IPO11: variants seen among roughly 807,000 people sequenced by gnomAD.
The protein encoded by IPO11 is importin 11.
IPO11 carries 66 observed loss-of-function variants against 143.2 expected under a neutral mutation model. The ratio of observed to expected loss-of-function variants is 0.46; its 90% CI spans 0.38 to 0.57. The LOEUF is 0.57. Ranked by LOEUF, IPO11 falls within the 20% of genes least tolerant of loss-of-function variation. The probability of loss-of-function intolerance (pLI) is 0.00; values close to 1 mark genes in which losing one functional copy is unlikely to be tolerated. For missense variants in IPO11, 1,026 were observed against 1,141.0 expected, an observed-to-expected ratio of 0.90 and a Z score of 1.45; for synonymous variants, 385 against 377.8, an observed-to-expected ratio of 1.02 and a Z score of -0.22.
At chr5:62,619,931 T>C (rs1746285324) in intron 29 of IPO11, among the ~76,000 whole-genome samples, 1 of 152,128 alleles carries the variant, frequency 6.6e-6, no homozygotes, top group Admixed American at 6.5e-5. Flanking sequence ...TTCTGTCTTC[T>C]GTAACAGACC....
intron 29 of IPO11, among the ~76,000 whole-genome samples, chr5:62,614,539 C>A (rs191310261): frequency 7.9e-4 from 120 of 152,310 alleles, no homozygotes; most frequent in Non-Finnish European, 1.1e-3. Flanking sequence ...CCCCCCCTCA[C>A]CCCGCAGGAT....
At chr5:62,572,345 A>C (rs1440449998) in intron 27 of IPO11, among the ~76,000 whole-genome samples, 1 of 152,188 alleles carries the variant, frequency 6.6e-6, no homozygotes, top group Non-Finnish European at 1.5e-5. Flanking sequence ...AATCAAGTGC[A>C]TTTATTAAGA....
At chr5:62,518,140 TAAAAAA>T (rs34629573) in intron 20 of IPO11, among the ~76,000 whole-genome samples, 1 of 120,292 alleles carries the variant, frequency 8.3e-6, no homozygotes, top group East Asian at 2.5e-4. Flanking sequence ...CCGTGCCTAC[TAAAAAA>T]AAAAAAAAAA....
At chr5:62,505,917 G>T (rs991827855) in intron 18 of IPO11, among the ~76,000 whole-genome samples, 8 of 152,028 alleles carry the variant, frequency 5.3e-5, no homozygotes, top group Non-Finnish European at 1.2e-4. Context: ...CAGTGACAAG[G>T]CACTGTTAAC....
intron 27 of IPO11, among the ~76,000 whole-genome samples, chr5:62,569,509 T>C (rs144223683): frequency 1.1e-3 from 167 of 152,324 alleles, no homozygotes; most frequent in African/African-American, 3.7e-3. Context: ...GTTGCTCTTA[T>C]TGTTGATGTT....
chr5:62,617,649 T>C (rs922813899), intron 29 of IPO11, among the ~76,000 whole-genome samples: 3 of 141,470 alleles, frequency 2.1e-5, no homozygotes, highest in African/African-American at 8.6e-5. Flanking sequence ...TTAAAGTTGA[T>C]TTTTTTTTTA....
intron 7 of IPO11, among the ~76,000 whole-genome samples, chr5:62,473,169 C>G (rs1001072183): frequency 2.6e-5 from 4 of 152,108 alleles, no homozygotes; most frequent in Non-Finnish European, 2.9e-5. Flanking sequence ...AGTTGTCATC[C>G]TGAAGTTTTC....
intron 29 of IPO11, among the ~76,000 whole-genome samples, chr5:62,615,316 G>T (rs1236932835): frequency 6.6e-6 from 1 of 152,180 alleles, no homozygotes; most frequent in African/African-American, 2.4e-5. Context: ...ATAGTCCCAA[G>T]TTTGAGAAAC....
chr5:62,467,259 G>A lies in IPO11; in HGVS notation c.645G>A (p.Leu215=), dbSNP rs1473031410. ...LSSLERTLLS[L]KVLRKLTVNG... ...CACTAGAACGAACACTGCTATCATTGAAAGGTACTATTAAGCTTGATATGT... is the reference window on the plus strand; with the variant it reads ...CACTAGAACGAACACTGCTATCATTAAAAGGTACTATTAAGCTTGATATGT... Residue 215 remains leucine, a synonymous_variant, in exon 6 of 30, where the codon TTG becomes TTA. Coordinates refer to ENST00000325324, the MANE Select transcript of IPO11 (RefSeq NM_016338.5). The A allele has an allele frequency of 6.2e-7, 1 of 1,612,542 alleles. No homozygotes were observed. Among genetic ancestry groups the A allele is most frequent in the Non-Finnish European group, 8.5e-7 (1 of 1,179,584 alleles).
chr5:62,582,979 C>G (rs1744625868), intron 27 of IPO11, among the ~76,000 whole-genome samples: 2 of 152,138 alleles, frequency 1.3e-5, no homozygotes. Flanking sequence ...TAAAGCCCCA[C>G]CAACCCCAAA....
intron 27 of IPO11, among the ~76,000 whole-genome samples, chr5:62,583,853 A>G (rs1744656373): frequency 6.6e-6 from 1 of 152,172 alleles, no homozygotes. Context: ...AAGGAAGCTC[A>G]CCTTTCTTAA....
Position 62,483,084 on chromosome 5 carries a change from T to C in IPO11, c.829-17T>C. On this transcript the variant is annotated splice_polypyrimidine_tract_variant and intron_variant, in intron 9 of 29. Transcript: ENST00000325324. ...GGGAAAATACATTTTAATTTTTATT[T>C]ATTTATTTTTCTACAGCTTTTGGAC... is the stretch of plus-strand genomic sequence containing the variant. 6.9e-7 allele frequency: 1 copy of C among 1,449,978 alleles called. No homozygotes were observed. Among genetic ancestry groups the C allele is most frequent in the Middle Eastern group, 2.1e-4 (1 of 4,816 alleles). 89.8% of individuals were successfully genotyped at this position (1,449,978 alleles called of 1,614,324 possible). A position where few individuals can be genotyped will look rare whatever the true frequency, so the allele number is the denominator to read the frequency against.
chr5:62,589,906 CTG>C (rs1188296747), intron 27 of IPO11, among the ~76,000 whole-genome samples: 1 of 152,176 alleles, frequency 6.6e-6, no homozygotes, highest in Non-Finnish European at 1.5e-5. Flanking sequence ...AGCCTAGAAA[CTG>C]AGAGTAGCTA....
intron 29 of IPO11, among the ~76,000 whole-genome samples, chr5:62,612,350 A>T (rs1745954827): frequency 6.6e-6 from 1 of 152,182 alleles, no homozygotes; most frequent in Non-Finnish European, 1.5e-5. Flanking sequence ...TTAAGAAACT[A>T]CTATTTGTGA....
At chr5:62,576,036 T>C (rs902531191) in intron 27 of IPO11, 1 of 152,484 alleles carries the variant, frequency 6.6e-6, no homozygotes, top group Non-Finnish European at 1.5e-5. Context: ...CATGCCAATG[T>C]TTCCTTGGGC....
rs1054595513 is a variant in IPO11, at chr5:62,588,999, C to CT, written c.2583-2578_2583-2577insT. On this transcript the variant is annotated intron_variant, in intron 27 of 29. Transcript: ENST00000325324. ...TTCAAAATGCAGGAACTTCTGCTTC[C>CT]CACTGTGTGCCTCCAAGGGAGTGTG... Among the ~76,000 whole-genome samples, 11 of 152,176 alleles carry CT rather than the reference C, an allele frequency of 7.2e-5. 1 individual carries two copies. Among genetic ancestry groups the CT allele is most frequent in the Middle Eastern group, 6.8e-3 (2 of 294 alleles).
chr5:62,483,426 T>C (rs370710527), intron 10 of IPO11, 133 bp downstream of exon 10: 4 of 617,828 alleles, frequency 6.5e-6, no homozygotes, highest in East Asian at 2.9e-5. Flanking sequence ...GAAAAAGATA[T>C]AAGGATTATA....
At position 62,601,812 on chromosome 5, in the gene IPO11, A is replaced by G; in HGVS notation, c.2727A>G (p.Glu909=). Residue 909 remains glutamate (E), a synonymous_variant, in exon 29 of 30, where the codon GAA becomes GAG. Coordinates refer to ENST00000325324, the MANE Select transcript of IPO11 (RefSeq NM_016338.5). ...AGGAACCAAAAGTAACAGAAGATGA[A>G]GAACCACCCACAGAACAAGATAAGA... ...HLEEPKVTED[E]EPPTEQDKRK... 1 of 1,597,896 alleles carries G rather than the reference A, an allele frequency of 6.3e-7. No individual in the cohort carries two copies. The highest frequency in any genetic ancestry group is 8.5e-7 in the Non-Finnish European group (1 of 1,171,798).
intron 2 of IPO11, 111 bp downstream of exon 2, chr5:62,437,528 G>T: frequency 2.6e-6 from 2 of 783,208 alleles, no homozygotes; most frequent in Non-Finnish European, 2.0e-6. Flanking sequence ...TCAGATGTTT[G>T]GCTGCTGATG....
Sources: allele counts gnomAD v4.1 joint callset (sites outside exome capture counted in the v4.1 genomes callset), GRCh38; gene constraint gnomAD v4.1.1; transcripts MANE v1.5; gene names NCBI Gene and HGNC (gene_info 2026-07-23, HGNC 2026-07-21).